The following SDK1 variants were observed in gnomAD, a reference collection of about 807,000 sequenced individuals.
SDK1 encodes sidekick cell adhesion molecule 1.
SDK1 carries 157 observed loss-of-function variants against 245.5 expected under a neutral mutation model. The observed-to-expected ratio is 0.64, with a 90% CI of 0.56 to 0.73. The LOEUF (loss-of-function observed/expected upper bound fraction) is 0.73. SDK1 is among the 30% of genes least tolerant of loss of function. The pLI is 0.00. For missense variants in SDK1, 3,583 were observed against 3,002.3 expected, an observed-to-expected ratio of 1.19 and a Z score of -4.52; for synonymous variants, 1,647 against 1,278.5, an observed-to-expected ratio of 1.29 and a Z score of -6.15.
chr7:4,224,470 G>C (rs536931756), intron 40 of SDK1, among the ~76,000 whole-genome samples: 22 of 152,240 alleles, frequency 1.4e-4, no homozygotes, highest in Non-Finnish European at 2.5e-4. Flanking sequence ...AGCACCAAAG[G>C]GGTGGTCCTA....
chr7:4,086,625 C>A (rs888117389), intron 22 of SDK1, among the ~76,000 whole-genome samples: 1 of 152,084 alleles, frequency 6.6e-6, no homozygotes, highest in Non-Finnish European at 1.5e-5. Flanking sequence ...TTTCCTCCTC[C>A]TTCCTTCTCA....
intron 30 of SDK1, among the ~76,000 whole-genome samples, chr7:4,153,405 G>T (rs1352879880): frequency 6.6e-6 from 1 of 152,108 alleles, no homozygotes; most frequent in Non-Finnish European, 1.5e-5. Context: ...GGCCGATATG[G>T]TGAAACCCTG....
chr7:3,409,680 G>A (rs759695876), intron 1 of SDK1, among the ~76,000 whole-genome samples: 9 of 152,274 alleles, frequency 5.9e-5, no homozygotes, highest in East Asian at 1.9e-4. Flanking sequence ...AGAGAAGAGC[G>A]TTGGGGATGG....
intron 17 of SDK1, among the ~76,000 whole-genome samples, chr7:4,044,622 T>G (rs1309328005): frequency 6.6e-6 from 1 of 152,094 alleles, no homozygotes; most frequent in Non-Finnish European, 1.5e-5. Context: ...TTTTTTACTT[T>G]TGTAGAGACA....
At chr7:3,406,235 G>T (rs1425710886) in intron 1 of SDK1, among the ~76,000 whole-genome samples, 1 of 152,100 alleles carries the variant, frequency 6.6e-6, no homozygotes, top group Non-Finnish European at 1.5e-5. Flanking sequence ...TCTCTGATCC[G>T]CCCTTGGCAT....
chr7:3,382,278 C>T (rs1264944555), intron 1 of SDK1, among the ~76,000 whole-genome samples: 1 of 151,952 alleles, frequency 6.6e-6, no homozygotes, highest in Admixed American at 6.6e-5. Flanking sequence ...CCCTTTATCC[C>T]CATTTTAAAG....
At chr7:3,684,461 A>G (rs1174816581) in intron 4 of SDK1, among the ~76,000 whole-genome samples, 3 of 152,378 alleles carry the variant, frequency 2.0e-5, no homozygotes, top group East Asian at 3.9e-4. Context: ...GAAGCCCAGC[A>G]TAAAGCTGAA....
intron 25 of SDK1, among the ~76,000 whole-genome samples, chr7:4,120,900 G>A (rs1018585530): frequency 4.1e-5 from 6 of 147,220 alleles, no homozygotes; most frequent in African/African-American, 1.5e-4. Context: ...ACAGGCATAA[G>A]CCACCACACC....
Position 4,051,680 on chromosome 7 carries a change from G to T in SDK1, c.2761G>T (p.Val921Phe). 6.2e-7 allele frequency: 1 copy of T among 1,613,288 alleles called. No individual in the cohort carries two copies. Among genetic ancestry groups the T allele is most frequent in the Non-Finnish European group, 8.5e-7 (1 of 1,179,682 alleles). Residue 921 changes from valine (V) to phenylalanine (F), a missense_variant, in exon 19 of 45, where the codon GTC becomes TTC. Val to Phe is a conservative substitution (Grantham distance 50). Transcript: ENST00000404826. ...AGATGCCCCCGAGGCTGTCACTGTG[G>T]TCACTATTGCCCCAGATTTCCACGG... ...PADAPEAVTV[V>F]TIAPDFHGVH...
At chr7:4,073,535 C>T (rs1303404364) in intron 20 of SDK1, among the ~76,000 whole-genome samples, 1 of 152,204 alleles carries the variant, frequency 6.6e-6, no homozygotes, top group Non-Finnish European at 1.5e-5. Context: ...CGCTGTGTTT[C>T]AGTAAATTCT....
intron 1 of SDK1, among the ~76,000 whole-genome samples, chr7:3,344,224 A>G (rs1780433521): frequency 6.6e-6 from 1 of 152,188 alleles, no homozygotes; most frequent in Non-Finnish European, 1.5e-5. Flanking sequence ...TACATGTTCA[A>G]TTTTAAAAAA....
intron 1 of SDK1, among the ~76,000 whole-genome samples, chr7:3,537,554 T>G (rs1282846495): frequency 1.3e-5 from 2 of 152,204 alleles, no homozygotes; most frequent in East Asian, 3.8e-4. Flanking sequence ...CCATGACTCT[T>G]TGGGGTTGAA....
Position 3,927,293 on chromosome 7 carries a change from T to A in SDK1, c.848-23630T>A, listed in dbSNP as rs965954848. Reference sequence around the variant, plus strand: ...GCTAATTGAAATAGAATTTTTTTTTTAAATTCAGGAAATGTTGGGCCCTTT... The same window carrying A: ...GCTAATTGAAATAGAATTTTTTTTTAAAATTCAGGAAATGTTGGGCCCTTT... On this transcript the variant is annotated intron_variant, in intron 5 of 44. Transcript: ENST00000404826. 9.2e-5 allele frequency among the ~76,000 whole-genome samples: 14 copies of A among 152,304 alleles called. 1 individual carries two copies. Among genetic ancestry groups the A allele is most frequent in the Admixed American group, 4.6e-4 (7 of 15,308 alleles).
rs114368395 is a variant in SDK1, at chr7:4,230,345, G to C, written c.5828-2910G>C. Among the ~76,000 whole-genome samples the C allele has an allele frequency of 9.4e-3, 1,375 of 145,588 alleles. 20 individuals are homozygous for C. The highest frequency in any genetic ancestry group is 0.033 in the African/African-American group (1,330 of 39,988). On this transcript the variant is annotated intron_variant, in intron 40 of 44. Transcript: ENST00000404826. Reference sequence around the variant, plus strand: ...GAATGGATGGATGGATGAATGAATGGATGGATGCCTGGATGGATAGATGGA... The same window carrying C: ...GAATGGATGGATGGATGAATGAATGCATGGATGCCTGGATGGATAGATGGA...
chr7:4,196,590 C>T (rs910580522), intron 35 of SDK1, among the ~76,000 whole-genome samples: 3 of 152,202 alleles, frequency 2.0e-5, no homozygotes, highest in African/African-American at 7.2e-5. Flanking sequence ...CCTGGATGCA[C>T]CTGGCCAGGG....
At chr7:3,459,024 C>T (rs761003255) in intron 1 of SDK1, among the ~76,000 whole-genome samples, 5 of 152,110 alleles carry the variant, frequency 3.3e-5, no homozygotes, top group Non-Finnish European at 5.9e-5. Context: ...ATGACATACA[C>T]GTAAACACAG....
chr7:3,852,587 A>G (rs1485289264), intron 5 of SDK1, among the ~76,000 whole-genome samples: 1 of 151,452 alleles, frequency 6.6e-6, no homozygotes, highest in African/African-American at 2.4e-5. Flanking sequence ...CTCTACTAAA[A>G]AATACAAAAA....
chr7:3,857,668 C>T (rs1257918204), intron 5 of SDK1, among the ~76,000 whole-genome samples: 1 of 147,670 alleles, frequency 6.8e-6, no homozygotes, highest in Admixed American at 6.8e-5. Context: ...GCCTGGCCGA[C>T]AGAGTAAGAC....
intron 1 of SDK1, among the ~76,000 whole-genome samples, chr7:3,406,762 A>G (rs565958829): frequency 6.6e-6 from 1 of 152,296 alleles, no homozygotes; most frequent in Non-Finnish European, 1.5e-5. Context: ...ATGTCCATGT[A>G]GGAACATACC....
Sources: gnomAD v4.1 joint callset for allele counts (sites outside exome capture counted in the v4.1 genomes callset) on GRCh38, gnomAD v4.1.1 for gene constraint, MANE v1.5 for transcripts, NCBI Gene and HGNC (gene_info 2026-07-23, HGNC 2026-07-21) for gene names.